PGM1: variants seen among roughly 807,000 people sequenced by gnomAD.
PGM1 encodes phosphoglucomutase-1.
A neutral mutation model predicts 55.6 loss-of-function variants in PGM1; 52 were observed. The observed-to-expected ratio is 0.94, with a 90% CI of 0.75 to 1.18. The LOEUF (loss-of-function observed/expected upper bound fraction) is 1.18, where lower values mean the gene tolerates loss of function less well. Ranked by LOEUF, PGM1 falls within the 50% of genes most tolerant of loss-of-function variation. The probability of loss-of-function intolerance (pLI) is 0.00; values close to 1 mark genes in which losing one functional copy is unlikely to be tolerated. For missense variants in PGM1, 724 were observed against 729.3 expected (o/e 0.99, Z 0.08); for synonymous variants, 287 against 271.7 (o/e 1.06, Z -0.55).
chr1:63,621,794 A>G (rs1456995282), intron 1 of PGM1, among the ~76,000 whole-genome samples: 1 of 152,186 alleles, frequency 6.6e-6, no homozygotes, highest in Non-Finnish European at 1.5e-5. Context: ...TATTTCCTGC[A>G]CATGGGCCAG....
At chr1:63,651,441 C>A in intron 8 of PGM1, 1 of 531,322 alleles carries the variant, frequency 1.9e-6, no homozygotes, top group East Asian at 3.3e-5. Context: ...GTGTTTTCTG[C>A]TTATTCAGAA....
chr1:63,651,502 C>T, intron 8 of PGM1, 167 bp from the exon 9 acceptor site: 1 of 646,530 alleles, frequency 1.5e-6, no homozygotes, highest in Middle Eastern at 4.3e-4. Flanking sequence ...CATCCCTGGC[C>T]TGTTCCATCC....
intron 1 of PGM1, among the ~76,000 whole-genome samples, chr1:63,608,415 A>G (rs753407000): frequency 1.3e-5 from 2 of 152,236 alleles, no homozygotes; most frequent in Non-Finnish European, 2.9e-5. Flanking sequence ...TGACCGAGGA[A>G]GAGAGTCCTG....
intron 7 of PGM1, among the ~76,000 whole-genome samples, chr1:63,644,946 A>G (rs112788158): frequency 9.2e-5 from 14 of 152,218 alleles, no homozygotes; most frequent in Non-Finnish European, 1.8e-4. Flanking sequence ...AGCTTTATCT[A>G]CTGAGCCACA....
intron 7 of PGM1, among the ~76,000 whole-genome samples, chr1:63,643,765 C>CG (rs1442132860): frequency 2.0e-5 from 3 of 152,136 alleles, no homozygotes; most frequent in Non-Finnish European, 4.4e-5. Flanking sequence ...TAGGATACGG[C>CG]GTGATCACAG....
chr1:63,658,129 A>G (rs934558261), intron 10 of PGM1, among the ~76,000 whole-genome samples: 3 of 152,226 alleles, frequency 2.0e-5, no homozygotes, highest in Admixed American at 6.5e-5. Flanking sequence ...GGACTGCCCA[A>G]GCCCTAAGGG....
intron 1 of PGM1, among the ~76,000 whole-genome samples, chr1:63,609,619 C>T (rs1648514700): frequency 6.6e-6 from 1 of 152,084 alleles, no homozygotes; most frequent in African/African-American, 2.4e-5. Context: ...AGAAACCATA[C>T]TTTGGATTTT....
intron 9 of PGM1, among the ~76,000 whole-genome samples, chr1:63,653,155 A>C (rs1649863280): frequency 6.6e-6 from 1 of 152,234 alleles, no homozygotes; most frequent in Non-Finnish European, 1.5e-5. Context: ...TGTGCTGTAA[A>C]GAAAGCAGCT....
At chr1:63,640,196 A>G (rs1649478765) in intron 7 of PGM1, among the ~76,000 whole-genome samples, 1 of 152,190 alleles carries the variant, frequency 6.6e-6, no homozygotes, top group Non-Finnish European at 1.5e-5. Flanking sequence ...TTTATGAATG[A>G]AGATGTCTTT....
At chr1:63,649,554 GTT>G (rs767703655) in intron 8 of PGM1, among the ~76,000 whole-genome samples, 1 of 152,186 alleles carries the variant, frequency 6.6e-6, no homozygotes, top group Non-Finnish European at 1.5e-5. Flanking sequence ...TCAGTTGCCT[GTT>G]CTATAAAATG....
chr1:63,603,918 C>G (rs1355117250), intron 1 of PGM1, among the ~76,000 whole-genome samples: 1 of 152,178 alleles, frequency 6.6e-6, no homozygotes, highest in Non-Finnish European at 1.5e-5. Context: ...GTTCTATATA[C>G]AACAGTTACA....
At chr1:63,647,296 A>ATATATATATATATATATG (rs1649682289) in intron 7 of PGM1, among the ~76,000 whole-genome samples, 4 of 113,460 alleles carry the variant, frequency 3.5e-5, no homozygotes, top group African/African-American at 1.2e-4. Flanking sequence ...ATATATATAT[A>ATATATATATATATATATG]TATATATATA....
At chr1:63,633,982 A>G (rs2100986739) in intron 4 of PGM1, among the ~76,000 whole-genome samples, 1 of 118,328 alleles carries the variant, frequency 8.5e-6, no homozygotes, top group East Asian at 2.7e-4. Context: ...GGGTCTCACC[A>G]TGTTGGCTGG....
At chr1:63,623,275 T>G in intron 1 of PGM1, 1 of 1,430,268 alleles carries the variant, frequency 7.0e-7, no homozygotes, top group Non-Finnish European at 9.1e-7. Context: ...GCCCTTAACT[T>G]GTTCACAAGG....
At chr1:63,654,571 G>A in intron 10 of PGM1, 105 bp downstream of exon 10, 6 of 1,073,276 alleles carry the variant, frequency 5.6e-6, no homozygotes, top group Non-Finnish European at 8.6e-6. Context: ...ACTCAACAAG[G>A]TACCAGCTGT....
intron 1 of PGM1, among the ~76,000 whole-genome samples, chr1:63,613,731 C>T (rs11589198): frequency 0.16 from 19,934 of 121,860 alleles, 1,417 homozygotes; most frequent in African/African-American, 0.19. Flanking sequence ...TTGGAGGGGG[C>T]GGGAGTAGTG....
rs145217778 is a variant in PGM1, at chr1:63,619,947, G to A, written c.247-9478G>A. Among the ~76,000 whole-genome samples the A allele has an allele frequency of 4.6e-5, 7 of 152,222 alleles. No individual in the cohort carries two copies. In the South Asian group the frequency reaches 6.2e-4, roughly 14 times the overall value. ...CTAGACATTAACTGAGGCAATCTTC[G>A]CAAAAACCTTGGGAGAGAGGTATTA... is the stretch of plus-strand genomic sequence containing the variant. On this transcript the variant is annotated intron_variant, in intron 1 of 10. Transcript: ENST00000371084.
intron 9 of PGM1, among the ~76,000 whole-genome samples, chr1:63,652,327 G>A (rs1257795196): frequency 6.6e-6 from 1 of 152,164 alleles, no homozygotes; most frequent in African/African-American, 2.4e-5. Flanking sequence ...AATAGATGAG[G>A]CATTCCCAGA....
At chr1:63,596,573 A>G (rs1266708619) in intron 1 of PGM1, among the ~76,000 whole-genome samples, 3 of 151,924 alleles carry the variant, frequency 2.0e-5, no homozygotes, top group East Asian at 1.9e-4. Flanking sequence ...CTAGGTTTCT[A>G]CGCTCAGGTT....
Sources: gnomAD v4.1 joint callset for allele counts (sites outside exome capture counted in the v4.1 genomes callset) on GRCh38, gnomAD v4.1.1 for gene constraint, MANE v1.5 for transcripts, NCBI Gene and HGNC (gene_info 2026-07-23, HGNC 2026-07-21) for gene names.